The following HSPA4 variants were observed in gnomAD, a reference collection of about 807,000 sequenced individuals.
The protein encoded by HSPA4 is heat shock 70 kDa protein 4.
In HSPA4, 25 loss-of-function variants were observed where a neutral mutation model predicts 106.2. That is an observed-to-expected ratio of 0.24 (90% confidence interval 0.17 to 0.33). The LOEUF (loss-of-function observed/expected upper bound fraction) is 0.33. HSPA4 is among the 10% of genes least tolerant of loss of function. HSPA4 has a pLI of 1.00. For synonymous variants in HSPA4, 332 were observed against 333.6 expected (o/e 1.00, Z 0.05); for missense variants, 841 against 996.0 (o/e 0.84, Z 2.10).
intron 6 of HSPA4, among the ~76,000 whole-genome samples, chr5:133,074,653 T>C (rs1055117084): frequency 6.6e-6 from 1 of 152,230 alleles, no homozygotes; most frequent in Non-Finnish European, 1.5e-5. Context: ...TGCTCTGTAC[T>C]CTTGCTCATG....
intron 7 of HSPA4, among the ~76,000 whole-genome samples, chr5:133,078,993 C>T (rs1765482184): frequency 6.6e-6 from 1 of 152,198 alleles, no homozygotes; most frequent in South Asian, 2.1e-4. Flanking sequence ...CTTAGCCTCC[C>T]AAAGTACTGG....
At chr5:133,052,614 G>C (rs990102599) in intron 1 of HSPA4, among the ~76,000 whole-genome samples, 2 of 152,244 alleles carry the variant, frequency 1.3e-5, no homozygotes, top group Non-Finnish European at 2.9e-5. Context: ...GCCGGTACTC[G>C]GACCAGCGGA....
chr5:133,100,041 TTTATTTATTTA>T (rs1239359813), intron 16 of HSPA4, among the ~76,000 whole-genome samples: 12 of 151,834 alleles, frequency 7.9e-5, no homozygotes, highest in African/African-American at 2.2e-4. Context: ...TTTTTATTAT[TTTATTTATTTA>T]TTATTTATTT....
chr5:133,056,129 G>A (rs1233477448), intron 1 of HSPA4, among the ~76,000 whole-genome samples: 1 of 152,104 alleles, frequency 6.6e-6, no homozygotes, highest in Admixed American at 6.6e-5. Flanking sequence ...TGAGACCTGA[G>A]GATGAGTAGG....
At chr5:133,098,162 A>C (rs1372801704) in intron 15 of HSPA4, among the ~76,000 whole-genome samples, 2 of 152,264 alleles carry the variant, frequency 1.3e-5, no homozygotes, top group Middle Eastern at 3.4e-3. Flanking sequence ...ACATAGCAGT[A>C]TTTGGTTTTC....
chr5:133,074,527 C>G (rs902811431), intron 6 of HSPA4, among the ~76,000 whole-genome samples: 11 of 152,196 alleles, frequency 7.2e-5, no homozygotes, highest in African/African-American at 2.7e-4. Flanking sequence ...ATCCACCTGC[C>G]TCGGCCTCCC....
Position 133,066,736 on chromosome 5 carries a change from CTTTTTTT to C in HSPA4, c.166-670_166-664del, listed in dbSNP as rs58483780. ...TGGAATTTTTTTTCTTTTCTTTTTT[CTTTTTTT>C]TTTTTTTTTTGAGAGTGCAGTTTTT... On this transcript the variant is annotated intron_variant, in intron 2 of 18. Transcript: ENST00000304858. 2.4e-3 allele frequency among the ~76,000 whole-genome samples: 314 copies of C among 129,444 alleles called. 1 individual carries two copies. Among genetic ancestry groups the C allele is most frequent in the African/African-American group, 5.8e-3 (203 of 34,842 alleles). 84.9% of individuals were successfully genotyped at this position (129,444 alleles called of 152,430 possible).
At position 133,067,404 on chromosome 5, in the gene HSPA4, T is replaced by C; in HGVS notation, c.166-13T>C. On this transcript the variant is annotated splice_polypyrimidine_tract_variant and intron_variant, in intron 2 of 18. Coordinates refer to ENST00000304858, the MANE Select transcript of HSPA4 (RefSeq NM_002154.4). ...GTAGTAGTCTTTCCACTCTTTGATA[T>C]TCTTTCTCTTAGGTAATTTCTAATG... 2 of 1,599,956 alleles carry C rather than the reference T, an allele frequency of 1.3e-6. No homozygotes were observed. The highest frequency in any genetic ancestry group is 2.3e-5 in the South Asian group (2 of 87,662).
intron 1 of HSPA4, among the ~76,000 whole-genome samples, chr5:133,053,974 C>A (rs1765126067): frequency 6.6e-6 from 1 of 151,998 alleles, no homozygotes; most frequent in Non-Finnish European, 1.5e-5. Flanking sequence ...GGGCTCAATT[C>A]TAAGGTCCAT....
At chr5:133,057,372 T>C (rs1219171197) in intron 1 of HSPA4, among the ~76,000 whole-genome samples, 1 of 151,942 alleles carries the variant, frequency 6.6e-6, no homozygotes, top group African/African-American at 2.4e-5. Flanking sequence ...TTTTTTTTTT[T>C]TTTTGAGACA....
intron 7 of HSPA4, among the ~76,000 whole-genome samples, chr5:133,080,108 GA>G (rs756388568): frequency 6.6e-5 from 10 of 150,786 alleles, no homozygotes; most frequent in Admixed American, 4.0e-4. Context: ...AAATGTTTTT[GA>G]TTTTTTTTTT....
At chr5:133,102,255 A>G (rs1480568461) in intron 17 of HSPA4, among the ~76,000 whole-genome samples, 1 of 152,162 alleles carries the variant, frequency 6.6e-6, no homozygotes, top group Non-Finnish European at 1.5e-5. Context: ...TGAGGCATTT[A>G]CATAGCATTT....
At chr5:133,103,839 CTTGT>C in intron 17 of HSPA4, 22 bp from the exon 18 acceptor site, 1 of 1,602,668 alleles carries the variant, frequency 6.2e-7, no homozygotes, top group Non-Finnish European at 8.5e-7. Context: ...ACTTTTAGCA[CTTGT>C]TTGACTGTCT....
chr5:133,088,827 C>A (rs1765610596), intron 9 of HSPA4, among the ~76,000 whole-genome samples: 1 of 152,008 alleles, frequency 6.6e-6, no homozygotes, highest in Non-Finnish European at 1.5e-5. Context: ...AAATAGTGTA[C>A]ATTAATTAAA....
chr5:133,089,494 C>T (rs1334213009), intron 10 of HSPA4, 68 bp from the exon 11 acceptor site: 21 of 1,426,612 alleles, frequency 1.5e-5, no homozygotes, highest in Non-Finnish European at 2.0e-5. Context: ...AATTACAAAC[C>T]TAGAACACAT....
At chr5:133,069,461 C>T (rs981071188) in intron 3 of HSPA4, among the ~76,000 whole-genome samples, 7 of 151,934 alleles carry the variant, frequency 4.6e-5, no homozygotes, top group Middle Eastern at 3.2e-3. Flanking sequence ...ATTTTGGTCA[C>T]GCTGGTCTTG....
intron 2 of HSPA4, among the ~76,000 whole-genome samples, chr5:133,065,699 TAAAC>T (rs1272259814): frequency 6.6e-6 from 1 of 152,206 alleles, no homozygotes. Flanking sequence ...TTGATCTTGT[TAAAC>T]AAGTTTCTCA....
intron 1 of HSPA4, among the ~76,000 whole-genome samples, chr5:133,058,963 A>C (rs1361967494): frequency 6.6e-6 from 1 of 151,700 alleles, no homozygotes; most frequent in Non-Finnish European, 1.5e-5. Flanking sequence ...CCCTGCCTCT[A>C]CTAAAGATAC....
Position 133,086,780 on chromosome 5 carries a change from A to G in HSPA4, c.909-2A>G. 6.2e-7 allele frequency: 1 copy of G among 1,610,440 alleles called. No individual in the cohort carries two copies. The highest frequency in any genetic ancestry group is 8.5e-7 in the Non-Finnish European group (1 of 1,177,132). Reference sequence around the variant, plus strand: ...TTTTTTGTTTTGTTTTGTTTTTTATAGAGGCAAATTTCTGGAGATGTGCAA... The same window carrying G: ...TTTTTTGTTTTGTTTTGTTTTTTATGGAGGCAAATTTCTGGAGATGTGCAA... On this transcript the variant is annotated splice_acceptor_variant, in intron 7 of 18. Coordinates refer to ENST00000304858, the MANE Select transcript of HSPA4 (RefSeq NM_002154.4). LOFTEE classifies it high-confidence loss of function.
Sources: allele counts gnomAD v4.1 joint callset (sites outside exome capture counted in the v4.1 genomes callset), GRCh38; gene constraint gnomAD v4.1.1; transcripts MANE v1.5; gene names NCBI Gene and HGNC (gene_info 2026-07-23, HGNC 2026-07-21).